The following GALNT17 variants were observed in gnomAD, a reference collection of about 807,000 sequenced individuals.
GALNT17 encodes polypeptide N-acetylgalactosaminyltransferase 17, also known as UDP-GalNAc:polypeptide N-acetylgalactosaminyltransferase-like 3.
Under a neutral mutation model 63.7 loss-of-function variants are expected in GALNT17, and 29 were observed. That is an observed-to-expected ratio of 0.46 (90% CI 0.34 to 0.62). The LOEUF (loss-of-function observed/expected upper bound fraction) is 0.62. Ranked by LOEUF, GALNT17 falls within the 20% of genes least tolerant of loss-of-function variation. The pLI is 0.01. For missense variants in GALNT17, 603 were observed against 799.6 expected (o/e 0.75, Z 2.97); for synonymous variants, 305 against 318.3 (o/e 0.96, Z 0.45).
intron 2 of GALNT17, among the ~76,000 whole-genome samples, chr7:71,386,498 G>A (rs1054958522): frequency 2.0e-5 from 3 of 152,066 alleles, no homozygotes; most frequent in Admixed American, 6.5e-5. Context: ...TGGCTTAGGC[G>A]TAAGCATGAA....
intron 2 of GALNT17, among the ~76,000 whole-genome samples, chr7:71,376,434 T>G (rs1018691951): frequency 0.015 from 1,701 of 111,824 alleles, 40 homozygotes; most frequent in African/African-American, 0.051. Flanking sequence ...TGTTTTTTTT[T>G]TTTTTTTTTT....
At chr7:71,299,893 G>A (rs1242976655) in intron 1 of GALNT17, among the ~76,000 whole-genome samples, 1 of 152,096 alleles carries the variant, frequency 6.6e-6, no homozygotes, top group Admixed American at 6.6e-5. Flanking sequence ...AGCCTCTGGA[G>A]TAGCTGGAAT....
chr7:71,397,678 G>C (rs2116374747), intron 3 of GALNT17, among the ~76,000 whole-genome samples: 1 of 152,244 alleles, frequency 6.6e-6, no homozygotes, highest in Non-Finnish European at 1.5e-5. Context: ...TTGTCGTCTT[G>C]GATCTCCCTT....
intron 1 of GALNT17, among the ~76,000 whole-genome samples, chr7:71,232,002 G>A (rs901666635): frequency 1.3e-5 from 2 of 152,090 alleles, no homozygotes; most frequent in Non-Finnish European, 2.9e-5. Context: ...TCTCCCTTGG[G>A]TTATATGAGG....
chr7:71,647,996 C>T (rs746462048), intron 6 of GALNT17, among the ~76,000 whole-genome samples: 1 of 152,198 alleles, frequency 6.6e-6, no homozygotes, highest in African/African-American at 2.4e-5. Flanking sequence ...CCTGTAACCC[C>T]TATGCCAACA....
chr7:71,133,405 G>GA (rs34644705), intron 1 of GALNT17, among the ~76,000 whole-genome samples: 118,703 of 151,972 alleles, frequency 0.78, 47,055 homozygotes, highest in East Asian at 0.99. Context: ...CGTGTAGGAG[G>GA]AAATAGTCTT....
At chr7:71,202,301 G>A (rs996459154) in intron 1 of GALNT17, among the ~76,000 whole-genome samples, 4 of 151,992 alleles carry the variant, frequency 2.6e-5, no homozygotes, top group Admixed American at 2.6e-4. Flanking sequence ...TATTATAACA[G>A]GAGTAGAGAA....
chr7:71,511,587 G>A (rs1171721611), intron 5 of GALNT17, among the ~76,000 whole-genome samples: 2 of 152,142 alleles, frequency 1.3e-5, no homozygotes, highest in Admixed American at 6.5e-5. Context: ...TCCAGTCCTA[G>A]GACATGGGCC....
At chr7:71,604,245 G>A (rs1241117651) in intron 6 of GALNT17, among the ~76,000 whole-genome samples, 1 of 120,316 alleles carries the variant, frequency 8.3e-6, no homozygotes, top group Non-Finnish European at 2.0e-5. Flanking sequence ...ACTATGCTAA[G>A]TGCGTATACG....
chr7:71,597,460 A>T (rs567570859), intron 6 of GALNT17, among the ~76,000 whole-genome samples: 254 of 152,212 alleles, frequency 1.7e-3, no homozygotes, highest in Non-Finnish European at 3.0e-3. Flanking sequence ...GGGAGCTATG[A>T]TTGTGCTACT....
chr7:71,244,995 G>A (rs1790067712), intron 1 of GALNT17, among the ~76,000 whole-genome samples: 1 of 151,938 alleles, frequency 6.6e-6, no homozygotes, highest in Non-Finnish European at 1.5e-5. Context: ...CTTTTGGGAA[G>A]GACCCCTAGG....
At chr7:71,348,868 T>A (rs528898270) in intron 2 of GALNT17, among the ~76,000 whole-genome samples, 2 of 152,306 alleles carry the variant, frequency 1.3e-5, no homozygotes, top group South Asian at 4.1e-4. Context: ...CCTGTCTGCC[T>A]AGTCCATTGC....
At chr7:71,416,838 C>CGGA (rs1786542999) in intron 4 of GALNT17, among the ~76,000 whole-genome samples, 1 of 152,058 alleles carries the variant, frequency 6.6e-6, no homozygotes, top group South Asian at 2.1e-4. Flanking sequence ...TCACATCATT[C>CGGA]GGAGGAAGGT....
At chr7:71,479,552 G>C (rs909328187) in intron 5 of GALNT17, among the ~76,000 whole-genome samples, 1 of 152,104 alleles carries the variant, frequency 6.6e-6, no homozygotes, top group African/African-American at 2.4e-5. Context: ...CAGTTAGAAC[G>C]AAGTTTCTCT....
At chr7:71,595,761 C>T (rs1789876518) in intron 6 of GALNT17, among the ~76,000 whole-genome samples, 1 of 151,900 alleles carries the variant, frequency 6.6e-6, no homozygotes, top group South Asian at 2.1e-4. Flanking sequence ...CCATCACATT[C>T]CATTGGCCAA....
intron 5 of GALNT17, among the ~76,000 whole-genome samples, chr7:71,501,072 C>A (rs759299408): frequency 6.6e-6 from 1 of 152,032 alleles, no homozygotes; most frequent in African/African-American, 2.4e-5. Context: ...TGGATTCAAG[C>A]GATTCCCCTG....
At chr7:71,404,032 C>T (rs1793285146) in intron 3 of GALNT17, among the ~76,000 whole-genome samples, 1 of 152,104 alleles carries the variant, frequency 6.6e-6, no homozygotes, top group Non-Finnish European at 1.5e-5. Context: ...CTTTCAAATG[C>T]CTTTGATGGG....
intron 1 of GALNT17, among the ~76,000 whole-genome samples, chr7:71,184,938 C>CACTTACTT (rs1163869488): frequency 3.9e-5 from 3 of 76,528 alleles, no homozygotes; most frequent in Non-Finnish European, 7.6e-5. Context: ...CTCCCTTCCT[C>CACTTACTT]ACTTCCTTCC....
chr7:71,705,228 G>T (rs1791706562), intron 9 of GALNT17, among the ~76,000 whole-genome samples: 1 of 151,606 alleles, frequency 6.6e-6, no homozygotes, highest in Non-Finnish European at 1.5e-5. Context: ...TTTTTTCAAA[G>T]AAGATATAAA....
Sources: allele counts gnomAD v4.1 joint callset (sites outside exome capture counted in the v4.1 genomes callset), GRCh38; gene constraint gnomAD v4.1.1; transcripts MANE v1.5; gene names NCBI Gene and HGNC (gene_info 2026-07-23, HGNC 2026-07-21).